TEX11: variants seen among roughly 807,000 people sequenced by gnomAD.
The protein encoded by TEX11 is testis expressed 11.
Under a neutral mutation model 84.4 loss-of-function variants are expected in TEX11, and 7 were observed. That is an observed-to-expected ratio of 0.08 (90% CI 0.05 to 0.16). TEX11 has a LOEUF of 0.16. Ranked by LOEUF, TEX11 falls within the 10% of genes least tolerant of loss-of-function variation. The probability of loss-of-function intolerance (pLI) is 1.00; values close to 1 mark genes in which losing one functional copy is unlikely to be tolerated. For synonymous variants in TEX11, 264 were observed against 222.8 expected (o/e 1.18, Z -1.64); for missense variants, 551 against 660.5 (o/e 0.83, Z 1.82).
chrX:70,759,257 A>C (rs778329125), intron 9 of TEX11, among the ~76,000 whole-genome samples: 10 of 112,035 alleles, frequency 8.9e-5, no homozygotes, highest in Non-Finnish European at 1.7e-4. Flanking sequence ...ACTCCTCCCT[A>C]ACTCATTTTA....
intron 25 of TEX11, among the ~76,000 whole-genome samples, chrX:70,557,280 C>T (rs1983650991): frequency 1.9e-5 from 2 of 103,207 alleles, no homozygotes; most frequent in African/African-American, 6.9e-5. Context: ...ACCAGTCTGG[C>T]CAACATGGCA....
chrX:70,725,518 T>C (rs1045121053), intron 11 of TEX11, among the ~76,000 whole-genome samples, 175 bp from the exon 12 acceptor site: 12 of 112,065 alleles, frequency 1.1e-4, no homozygotes, highest in Non-Finnish European at 1.9e-4. Flanking sequence ...TTTCCCAATA[T>C]TTTTTCAATC....
chrX:70,862,190 T>C (rs1468029176), intron 4 of TEX11, among the ~76,000 whole-genome samples: 1 of 111,784 alleles, frequency 8.9e-6, no homozygotes, highest in African/African-American at 3.3e-5. Flanking sequence ...GTCATAACAG[T>C]TCTTAAAGTA....
intron 8 of TEX11, among the ~76,000 whole-genome samples, chrX:70,830,743 A>G (rs2091372734): frequency 8.9e-6 from 1 of 112,236 alleles, no homozygotes; most frequent in Non-Finnish European, 1.9e-5. Flanking sequence ...AGGGAAATGC[A>G]AATTAAAATC....
chrX:70,870,859 A>G (rs781243919), intron 4 of TEX11, among the ~76,000 whole-genome samples: 2 of 110,767 alleles, frequency 1.8e-5, no homozygotes, highest in Admixed American at 1.9e-4. Flanking sequence ...AAAACCACCA[A>G]TGGAAGGGCC....
intron 8 of TEX11, among the ~76,000 whole-genome samples, chrX:70,809,033 T>C (rs2091237163): frequency 8.9e-6 from 1 of 111,758 alleles, no homozygotes; most frequent in Non-Finnish European, 1.9e-5. Flanking sequence ...TTACAATCTA[T>C]GAGGGAGTTG....
intron 16 of TEX11, among the ~76,000 whole-genome samples, chrX:70,662,027 T>C (rs2089934091): frequency 8.9e-6 from 1 of 112,043 alleles, no homozygotes; most frequent in Non-Finnish European, 1.9e-5. Context: ...AGAATGACTT[T>C]GACGAGTTGA....
chrX:70,726,868 C>G (rs1376293591), intron 11 of TEX11, among the ~76,000 whole-genome samples: 1 of 107,875 alleles, frequency 9.3e-6, no homozygotes, highest in East Asian at 2.9e-4. Flanking sequence ...GAGTCTCACT[C>G]TGTCTCCCAG....
intron 11 of TEX11, among the ~76,000 whole-genome samples, chrX:70,732,407 G>A (rs747672000): frequency 2.0e-4 from 22 of 111,566 alleles, no homozygotes; most frequent in South Asian, 1.1e-3. Context: ...AAACCCCATC[G>A]TCTCAGCCCA....
chrX:70,610,897 T>C (rs748248358), intron 20 of TEX11, among the ~76,000 whole-genome samples: 94 of 112,072 alleles, frequency 8.4e-4, no homozygotes, highest in Non-Finnish European at 1.5e-3. Context: ...TTATTTCAAA[T>C]AAAGTTGTAT....
intron 9 of TEX11, among the ~76,000 whole-genome samples, chrX:70,804,300 A>G (rs1330306289): frequency 8.9e-6 from 1 of 112,361 alleles, no homozygotes; most frequent in Non-Finnish European, 1.9e-5. Context: ...ATATTTAACA[A>G]TTTAACACTA....
In TEX11 at chrX:70,607,020, A is replaced by G. The variant is rs2089202545; in HGVS notation, c.1889T>C (p.Leu630Ser). 1 of 1,192,993 alleles carries G rather than the reference A, an allele frequency of 8.4e-7. No homozygotes were observed. ...AQWFRKTAWN[L>S]AVQCDKDPVM... The stretch of plus-strand genomic sequence containing the variant: ...TGGATCTTTGTCACATTGCACAGCC[A>G]AGTTCCAAGCTGGAAATTAACATGA... The change falls in exon 23 of 30, where the codon TTG (leucine) becomes TCG (serine). Residue 630 changes from leucine to serine, a missense_variant. Physicochemically the swap from Leu to Ser is moderately radical, Grantham distance 145. Coordinates refer to ENST00000374333, the MANE Select transcript of TEX11 (RefSeq NM_031276.3).
At chrX:70,848,176 C>T (rs1015293298) in intron 7 of TEX11, among the ~76,000 whole-genome samples, 2 of 112,060 alleles carry the variant, frequency 1.8e-5, no homozygotes, top group African/African-American at 6.5e-5. Flanking sequence ...TTTCAATCAC[C>T]CCAGTACCTT....
chrX:70,756,947 C>G (rs1397967288), intron 9 of TEX11, among the ~76,000 whole-genome samples: 7 of 112,040 alleles, frequency 6.2e-5, no homozygotes, highest in Admixed American at 5.7e-4. Context: ...AGCTGAAAAC[C>G]ACAGCACGAA....
intron 8 of TEX11, among the ~76,000 whole-genome samples, chrX:70,814,728 CAA>C (rs1243568142): frequency 8.9e-6 from 1 of 112,781 alleles, no homozygotes; most frequent in Non-Finnish European, 1.9e-5. Context: ...CGAATTACTT[CAA>C]AGAGTTTCAG....
chrX:70,613,755 C>T (rs1007441433), intron 20 of TEX11, among the ~76,000 whole-genome samples: 2 of 111,470 alleles, frequency 1.8e-5, no homozygotes, highest in African/African-American at 6.5e-5. Context: ...CCCTGGGTAG[C>T]ATAGCTTGTG....
chrX:70,612,695 A>G (rs2089275280), intron 20 of TEX11, among the ~76,000 whole-genome samples: 1 of 111,722 alleles, frequency 9.0e-6, no homozygotes, highest in Admixed American at 9.5e-5. Context: ...ACAACTACAA[A>G]AGGTGTAACA....
intron 28 of TEX11, among the ~76,000 whole-genome samples, chrX:70,535,573 C>T (rs968375699): frequency 8.2e-5 from 9 of 110,420 alleles, no homozygotes; most frequent in Admixed American, 1.9e-4. Context: ...ATGGTGAAAC[C>T]GCATCTCTAC....
chrX:70,838,101 T>G, intron 7 of TEX11, among the ~76,000 whole-genome samples: 1 of 112,247 alleles, frequency 8.9e-6, no homozygotes, highest in South Asian at 3.7e-4. Flanking sequence ...TATGCTTATT[T>G]CAAAATTTTA....
Sources: gnomAD v4.1 joint callset for allele counts (sites outside exome capture counted in the v4.1 genomes callset) on GRCh38, gnomAD v4.1.1 for gene constraint, MANE v1.5 for transcripts, NCBI Gene and HGNC (gene_info 2026-07-23, HGNC 2026-07-21) for gene names.